EPB41L4A: variants seen among roughly 807,000 people sequenced by gnomAD.
EPB41L4A encodes the protein erythrocyte membrane protein band 4.1 like 4A, also known as band 4.1-like protein 4A.
EPB41L4A carries 100 observed loss-of-function variants against 108.6 expected under a neutral mutation model. The ratio of observed to expected loss-of-function variants is 0.92; its 90% CI spans 0.78 to 1.09. The LOEUF is 1.09. Among genes scored for constraint, EPB41L4A ranks in the 50% least tolerant of loss-of-function variants. The pLI is 0.00. For synonymous variants in EPB41L4A, 319 were observed against 289.0 expected (o/e 1.10, Z -1.05); for missense variants, 1,030 against 842.7 (o/e 1.22, Z -2.75).
chr5:112,376,765 A>C (rs112939564), intron 1 of EPB41L4A, among the ~76,000 whole-genome samples: 2,550 of 152,318 alleles, frequency 0.017, 31 homozygotes, highest in South Asian at 0.038. Context: ...CCAACCGTGG[A>C]ACTATGATAA....
intron 1 of EPB41L4A, among the ~76,000 whole-genome samples, chr5:112,413,978 T>G (rs1387249993): frequency 1.3e-5 from 2 of 152,170 alleles, no homozygotes; most frequent in Non-Finnish European, 2.9e-5. Context: ...GCTGGGTGCT[T>G]ATCATGTGCA....
At chr5:112,157,867 A>G (rs1425655546), downstream of EPB41L4A, among the ~76,000 whole-genome samples, 4 of 152,322 alleles carry the variant, frequency 2.6e-5, no homozygotes, top group Non-Finnish European at 5.9e-5. Flanking sequence ...TCACATTTGC[A>G]CTACCACTGT....
chr5:112,211,510 C>T (rs534570823), intron 12 of EPB41L4A, among the ~76,000 whole-genome samples: 2 of 151,988 alleles, frequency 1.3e-5, no homozygotes, highest in East Asian at 3.9e-4. Context: ...TGAACTGGGA[C>T]CCGGGAGGTG....
intron 12 of EPB41L4A, among the ~76,000 whole-genome samples, chr5:112,226,699 A>C (rs34533430): frequency 0.05 from 7,561 of 152,150 alleles, 268 homozygotes; most frequent in Middle Eastern, 0.12. Flanking sequence ...TGGTGTAAAA[A>C]AAAAAATCAG....
chr5:112,282,874 C>T (rs565266022), intron 2 of EPB41L4A, among the ~76,000 whole-genome samples: 26 of 152,186 alleles, frequency 1.7e-4, no homozygotes, highest in Admixed American at 6.5e-4. Context: ...CAAAAGACAA[C>T]CTTTGTAATT....
chr5:112,180,704 CT>C (rs1266983962), intron 18 of EPB41L4A, among the ~76,000 whole-genome samples: 1 of 141,950 alleles, frequency 7.0e-6, no homozygotes, highest in East Asian at 2.0e-4. Flanking sequence ...AACTGATACA[CT>C]GGTCTTCATC....
At chr5:112,311,539 T>C (rs1755049787) in intron 1 of EPB41L4A, among the ~76,000 whole-genome samples, 1 of 152,182 alleles carries the variant, frequency 6.6e-6, no homozygotes, top group South Asian at 2.1e-4. Flanking sequence ...GAATACTCAG[T>C]CCATCACTAC....
At chr5:112,261,253 T>C (rs1277069998) in intron 7 of EPB41L4A, among the ~76,000 whole-genome samples, 1 of 152,188 alleles carries the variant, frequency 6.6e-6, no homozygotes, top group Non-Finnish European at 1.5e-5. Flanking sequence ...ACAGGAATGC[T>C]TCTAACTGTA....
At chr5:112,338,075 T>C (rs1353200829) in intron 1 of EPB41L4A, among the ~76,000 whole-genome samples, 1 of 152,158 alleles carries the variant, frequency 6.6e-6, no homozygotes, top group African/African-American at 2.4e-5. Context: ...TCCCTGCCTC[T>C]TACCCTCCAA....
At chr5:112,358,701 T>C (rs1461792673) in intron 1 of EPB41L4A, among the ~76,000 whole-genome samples, 1 of 152,196 alleles carries the variant, frequency 6.6e-6, no homozygotes, top group Non-Finnish European at 1.5e-5. Context: ...ATTCCACTTC[T>C]AGGTATACAC....
At chr5:112,212,386 C>T (rs757085427) in intron 12 of EPB41L4A, among the ~76,000 whole-genome samples, 3 of 151,282 alleles carry the variant, frequency 2.0e-5, no homozygotes, top group Non-Finnish European at 4.4e-5. Context: ...TCTGCCTCCT[C>T]GGTTCAAGCA....
intron 12 of EPB41L4A, among the ~76,000 whole-genome samples, chr5:112,153,643 A>G (rs1184431076): frequency 6.6e-6 from 1 of 151,378 alleles, no homozygotes; most frequent in Non-Finnish European, 1.5e-5. Context: ...AATCCATATC[A>G]TAATGGGAAA....
At chr5:112,216,098 T>G (rs1393615094) in intron 12 of EPB41L4A, among the ~76,000 whole-genome samples, 1 of 152,210 alleles carries the variant, frequency 6.6e-6, no homozygotes, top group Non-Finnish European at 1.5e-5. Context: ...CTGTTCACAT[T>G]TGAGTACCTC....
chr5:112,365,355 C>G (rs1759055381), intron 1 of EPB41L4A, among the ~76,000 whole-genome samples: 1 of 152,112 alleles, frequency 6.6e-6, no homozygotes, highest in Non-Finnish European at 1.5e-5. Context: ...ACCTAGCTTT[C>G]ATGAATATTA....
intron 1 of EPB41L4A, among the ~76,000 whole-genome samples, chr5:112,348,221 T>C (rs1561593971): frequency 6.6e-6 from 1 of 152,152 alleles, no homozygotes; most frequent in Non-Finnish European, 1.5e-5. Context: ...TCCTCAAGTC[T>C]TCTCCTTCAT....
chr5:112,188,500 G>A (rs1166648882), intron 17 of EPB41L4A, among the ~76,000 whole-genome samples: 1 of 152,096 alleles, frequency 6.6e-6, no homozygotes, highest in Admixed American at 6.6e-5. Flanking sequence ...TAATGTAACA[G>A]CATTCCTCAG....
At chr5:112,203,756 T>C (rs1360908142) in intron 15 of EPB41L4A, among the ~76,000 whole-genome samples, 4 of 151,040 alleles carry the variant, frequency 2.6e-5, no homozygotes, top group African/African-American at 9.7e-5. Flanking sequence ...ACATATACTA[T>C]CTCGTCTGGG....
intron 1 of EPB41L4A, among the ~76,000 whole-genome samples, chr5:112,376,976 G>C (rs1218182981): frequency 6.6e-6 from 1 of 152,122 alleles, no homozygotes; most frequent in Non-Finnish European, 1.5e-5. Flanking sequence ...GGCTGAAGCA[G>C]GAGGATCACT....
intron 11 of EPB41L4A, among the ~76,000 whole-genome samples, chr5:112,237,808 G>A (rs1459841175): frequency 1.3e-5 from 2 of 152,120 alleles, no homozygotes; most frequent in South Asian, 4.1e-4. Context: ...TTCTTCCAAG[G>A]ATGGTGTAAT....
Sources: gnomAD v4.1 joint callset for allele counts (sites outside exome capture counted in the v4.1 genomes callset) on GRCh38, gnomAD v4.1.1 for gene constraint, MANE v1.5 for transcripts, NCBI Gene and HGNC (gene_info 2026-07-23, HGNC 2026-07-21) for gene names.